The following SH3PXD2A variants were observed in gnomAD, a reference collection of about 807,000 sequenced individuals.
SH3PXD2A encodes the protein SH3 and PX domain-containing protein 2A.
In SH3PXD2A, 32 loss-of-function variants were observed where a neutral mutation model predicts 115.2. The ratio of observed to expected loss-of-function variants is 0.28; its 90% CI spans 0.21 to 0.37. SH3PXD2A has a LOEUF of 0.37. Ranked by LOEUF, SH3PXD2A falls within the 10% of genes least tolerant of loss-of-function variation. The pLI, the probability that SH3PXD2A is intolerant of heterozygous loss-of-function variation, is 1.00. For missense variants in SH3PXD2A, 1,328 were observed against 1,498.7 expected (o/e 0.89, Z 1.88); for synonymous variants, 610 against 629.1 (o/e 0.97, Z 0.45).
At position 103,603,224 on chromosome 10, in the gene SH3PXD2A, G is replaced by A. The variant is rs1313704536; in HGVS notation, c.1994C>T (p.Ser665Leu). 4 of 1,614,058 alleles carry A rather than the reference G, an allele frequency of 2.5e-6. No individual in the cohort carries two copies. Among genetic ancestry groups the A allele is most frequent in the Non-Finnish European group, 2.5e-6 (3 of 1,180,048 alleles). The change falls in exon 15 of 15, where the codon TCA becomes TTA. Residue 665 changes from serine (S) to leucine (L), a missense_variant. Transcript: ENST00000369774. ...KNSPKSGSPK[S>L]SSLLKLKAEK... ...TGCCTTGAGCTTTAGGAGTGATGAT[G>A]ACTTGGGGGAGCCTGATTTGGGGGA...
At chr10:103,807,791 G>A (rs2039222019) in intron 1 of SH3PXD2A, among the ~76,000 whole-genome samples, 1 of 152,158 alleles carries the variant, frequency 6.6e-6, no homozygotes, top group African/African-American at 2.4e-5. Context: ...TCGGAGTCTG[G>A]GGATGCAGGG....
chr10:103,734,655 ATGAGAATTGCT>A (rs2038359945), intron 4 of SH3PXD2A, among the ~76,000 whole-genome samples: 1 of 152,248 alleles, frequency 6.6e-6, no homozygotes, highest in African/African-American at 2.4e-5. Flanking sequence ...AGGCTGAGGC[ATGAGAATTGCT>A]TGAACTCAGG....
intron 1 of SH3PXD2A, among the ~76,000 whole-genome samples, chr10:103,811,074 T>C (rs1213791411): frequency 2.6e-5 from 4 of 151,948 alleles, no homozygotes; most frequent in African/African-American, 7.3e-5. Flanking sequence ...GGGAAAACAA[T>C]GACGGTCCCC....
intron 1 of SH3PXD2A, among the ~76,000 whole-genome samples, chr10:103,826,887 A>G (rs935518841): frequency 2.0e-5 from 3 of 152,202 alleles, no homozygotes; most frequent in African/African-American, 7.2e-5. Flanking sequence ...GGCAAAGGGT[A>G]GCATGGTCAC....
chr10:103,610,599 G>A (rs1208600705), intron 13 of SH3PXD2A, among the ~76,000 whole-genome samples: 1 of 152,132 alleles, frequency 6.6e-6, no homozygotes, highest in African/African-American at 2.4e-5. Flanking sequence ...CCTTAGCCAG[G>A]GCTGATGTCA....
chr10:103,851,831 C>CAGGA lies in SH3PXD2A; in HGVS notation c.72+3360_72+3363dup, dbSNP rs556753009. Among the ~76,000 whole-genome samples the CAGGA allele has an allele frequency of 1.4e-3, 217 of 152,252 alleles. 1 individual carries two copies. The highest frequency in any genetic ancestry group is 5.0e-3 in the African/African-American group (209 of 41,548). ...TTGGTATTTGTCTGAAATAAACAAT[C>CAGGA]AGGAAATAAAACAACTGTGAAAGTG... On this transcript the variant is annotated intron_variant, in intron 1 of 14. Transcript: ENST00000369774.
At chr10:103,722,303 C>CAAAA (rs34835878) in intron 5 of SH3PXD2A, among the ~76,000 whole-genome samples, 13 of 91,312 alleles carry the variant, frequency 1.4e-4, no homozygotes, top group African/African-American at 2.3e-4. Flanking sequence ...GACTCTGTCT[C>CAAAA]AAAAAAAAAA....
chr10:103,705,344 T>C (rs2037968733), intron 5 of SH3PXD2A, among the ~76,000 whole-genome samples: 2 of 152,230 alleles, frequency 1.3e-5, no homozygotes, highest in Non-Finnish European at 2.9e-5. Flanking sequence ...TGAGCAGTTC[T>C]CCCCACCGTG....
chr10:103,715,100 T>C (rs1589425932), intron 5 of SH3PXD2A, among the ~76,000 whole-genome samples: 2 of 152,300 alleles, frequency 1.3e-5, no homozygotes, highest in Admixed American at 1.3e-4. Context: ...CCCAGCCTTT[T>C]TGGGGTGGCT....
rs117518514 is a variant in SH3PXD2A at position 103,829,694 on chromosome 10, T to C, written c.72+25501A>G. On this transcript the variant is annotated intron_variant, in intron 1 of 14. Transcript: ENST00000369774. Reference sequence around the variant, plus strand: ...ATCAGACAATCACATAACATGCGCATAACATAGGACCTAAAGCTATGCTTA... The same window carrying C: ...ATCAGACAATCACATAACATGCGCACAACATAGGACCTAAAGCTATGCTTA... 2.6e-5 allele frequency among the ~76,000 whole-genome samples: 4 copies of C among 152,242 alleles called. No homozygotes were observed. In the East Asian group the frequency reaches 7.7e-4, roughly 29 times the overall value.
chr10:103,826,420 G>C (rs956277465), intron 1 of SH3PXD2A, among the ~76,000 whole-genome samples: 3 of 152,180 alleles, frequency 2.0e-5, no homozygotes. Flanking sequence ...GTGTGGTGCT[G>C]CCTCTCAGGT....
intron 11 of SH3PXD2A, among the ~76,000 whole-genome samples, chr10:103,615,357 C>T (rs1427651394): frequency 6.6e-6 from 1 of 152,198 alleles, no homozygotes; most frequent in African/African-American, 2.4e-5. Flanking sequence ...GGAGGAGAAA[C>T]GCAAGGGAAT....
At chr10:103,737,680 T>A (rs895736242) in intron 3 of SH3PXD2A, among the ~76,000 whole-genome samples, 5 of 152,234 alleles carry the variant, frequency 3.3e-5, no homozygotes, top group African/African-American at 1.2e-4. Context: ...GGACTGCCTC[T>A]GAGGGCGTTA....
At chr10:103,638,303 G>A (rs963703772) in intron 8 of SH3PXD2A, among the ~76,000 whole-genome samples, 4 of 152,204 alleles carry the variant, frequency 2.6e-5, no homozygotes, top group Admixed American at 6.5e-5. Flanking sequence ...GGAAGGCTCC[G>A]TGGAGTCCGT....
chr10:103,658,942 T>C (rs1424781261), intron 8 of SH3PXD2A, among the ~76,000 whole-genome samples: 2 of 152,138 alleles, frequency 1.3e-5, no homozygotes, highest in Non-Finnish European at 2.9e-5. Flanking sequence ...CAGTGGCAGG[T>C]AGAATGCGGC....
intron 6 of SH3PXD2A, among the ~76,000 whole-genome samples, chr10:103,682,816 C>T (rs961491632): frequency 6.6e-6 from 1 of 151,842 alleles, no homozygotes; most frequent in South Asian, 2.1e-4. Flanking sequence ...AAGCTGACGC[C>T]TTCAAAAGAC....
chr10:103,708,563 C>G (rs955815078), intron 5 of SH3PXD2A, among the ~76,000 whole-genome samples: 3 of 152,208 alleles, frequency 2.0e-5, no homozygotes, highest in Non-Finnish European at 4.4e-5. Context: ...CCCCAGGGAA[C>G]AGCCTGCAGC....
At chr10:103,787,074 C>T (rs896523619) in intron 2 of SH3PXD2A, among the ~76,000 whole-genome samples, 2 of 152,196 alleles carry the variant, frequency 1.3e-5, no homozygotes, top group Admixed American at 6.5e-5. Flanking sequence ...GCTTTGCATC[C>T]GATTCACTTA....
chr10:103,757,708 G>A (rs2038657868), intron 3 of SH3PXD2A, among the ~76,000 whole-genome samples: 1 of 152,224 alleles, frequency 6.6e-6, no homozygotes, highest in African/African-American at 2.4e-5. Flanking sequence ...CTGCAGCTCG[G>A]AGTCTGGAAG....
Sources: gnomAD v4.1 joint callset for allele counts (sites outside exome capture counted in the v4.1 genomes callset) on GRCh38, gnomAD v4.1.1 for gene constraint, MANE v1.5 for transcripts, NCBI Gene and HGNC (gene_info 2026-07-23, HGNC 2026-07-21) for gene names.